The following PLS3 variants were observed in gnomAD, a reference collection of about 807,000 sequenced individuals.
PLS3 encodes plastin 3.
PLS3 carries 11 observed loss-of-function variants against 46.5 expected under a neutral mutation model. That is an observed-to-expected ratio of 0.24 (90% confidence interval 0.15 to 0.39). The LOEUF (loss-of-function observed/expected upper bound fraction) is 0.39, where lower values mean the gene tolerates loss of function less well. Ranked by LOEUF, PLS3 falls within the 10% of genes least tolerant of loss-of-function variation. PLS3 has a pLI of 1.00. For missense variants in PLS3, 308 were observed against 461.8 expected, an observed-to-expected ratio of 0.67 and a Z score of 3.05; for synonymous variants, 167 against 162.2, an observed-to-expected ratio of 1.03 and a Z score of -0.22.
intron 1 of PLS3, among the ~76,000 whole-genome samples, chrX:115,575,122 T>A (rs1556631045): frequency 8.9e-6 from 1 of 111,983 alleles, no homozygotes; most frequent in Non-Finnish European, 1.9e-5. Flanking sequence ...TTGTGACTAG[T>A]TTCTTTCACT....
At chrX:115,649,335 C>A in intron 15 of PLS3, 94 bp from the exon 16 acceptor site, 2 of 720,259 alleles carry the variant, frequency 2.8e-6, no homozygotes, top group Non-Finnish European at 3.9e-6. Flanking sequence ...TTTTTGCATC[C>A]CAGCATAATA....
At position 115,641,225 on chromosome X, in the gene PLS3, C is replaced by CT. The variant is rs35431475; in HGVS notation, c.987+742dup. On this transcript the variant is annotated intron_variant, in intron 9 of 15. Coordinates refer to ENST00000355899, the MANE Select transcript of PLS3 (RefSeq NM_005032.7). ...TGGCTAAACCATTTTTCTTCTCTTT[C>CT]TTTTTTTTTTTTTTTTTTTTGAGAC... Among the ~76,000 whole-genome samples, 747 of 82,294 alleles carry CT rather than the reference C, an allele frequency of 9.1e-3. 1 individual carries two copies. Among genetic ancestry groups the CT allele is most frequent in the Non-Finnish European group, 0.012 (546 of 43,975 alleles). The allele number at this position is 82,294 out of a possible 115,157, so 71.5% of individuals were successfully genotyped here.
At chrX:115,640,857 C>T (rs951129625) in intron 9 of PLS3, among the ~76,000 whole-genome samples, 11 of 111,477 alleles carry the variant, frequency 9.9e-5, no homozygotes, top group Middle Eastern at 4.3e-3. Flanking sequence ...TGGATTATAA[C>T]CACAGTAATA....
chrX:115,566,509 C>T (rs2074173901), intron 1 of PLS3, among the ~76,000 whole-genome samples: 1 of 108,531 alleles, frequency 9.2e-6, no homozygotes, highest in Admixed American at 9.9e-5. Flanking sequence ...CTGCCTCAGC[C>T]TCCCGAGTAG....
At chrX:115,602,947 T>G (rs982448085) in intron 1 of PLS3, among the ~76,000 whole-genome samples, 1 of 111,278 alleles carries the variant, frequency 9.0e-6, no homozygotes, top group Non-Finnish European at 1.9e-5. Flanking sequence ...CTCCTGGACC[T>G]CATGGTACTG....
intron 3 of PLS3, chrX:115,624,233 A>ATT (rs2074688041): frequency 9.3e-6 from 1 of 107,211 alleles, no homozygotes; most frequent in Admixed American, 1.0e-4. Context: ...GTCTCAAAAA[A>ATT]AAAAAAAAAA....
chrX:115,634,225 C>T (rs2074807197), intron 6 of PLS3, 144 bp downstream of exon 6: 3 of 443,644 alleles, frequency 6.8e-6, no homozygotes, highest in Non-Finnish European at 1.2e-5. Flanking sequence ...ATTATACAGA[C>T]AGAACTGGGA....
intron 1 of PLS3, among the ~76,000 whole-genome samples, chrX:115,606,465 T>C (rs142717925): frequency 0.038 from 4,245 of 110,863 alleles, 197 homozygotes; most frequent in African/African-American, 0.13. Context: ...AGAAGTGATA[T>C]GGTAGTGTGA....
intron 1 of PLS3, among the ~76,000 whole-genome samples, chrX:115,585,481 C>T (rs1192588661): frequency 1.8e-5 from 2 of 110,697 alleles, no homozygotes; most frequent in African/African-American, 3.3e-5. Flanking sequence ...AGCTCCGCCT[C>T]CTGGGTTCAA....
intron 1 of PLS3, among the ~76,000 whole-genome samples, chrX:115,583,212 T>C (rs1474915057): frequency 2.7e-5 from 3 of 112,346 alleles, no homozygotes; most frequent in Admixed American, 9.4e-5. Context: ...AGTCTACTTG[T>C]CTGAAAAAGA....
chrX:115,625,886 T>C (rs183848041), intron 3 of PLS3, among the ~76,000 whole-genome samples: 108 of 112,074 alleles, frequency 9.6e-4, no homozygotes, highest in African/African-American at 3.3e-3. Flanking sequence ...AAGGCGAAAC[T>C]TAATAAAAGG....
intron 9 of PLS3, 25 bp from the exon 10 acceptor site, chrX:115,643,288 A>G (rs2074916874): frequency 9.3e-7 from 1 of 1,078,177 alleles, no homozygotes; most frequent in South Asian, 2.0e-5. Flanking sequence ...GCCTTTGACA[A>G]AGTCTTCCGA....
intron 7 of PLS3, among the ~76,000 whole-genome samples, chrX:115,635,347 A>T (rs1569528763): frequency 9.1e-6 from 1 of 110,462 alleles, no homozygotes; most frequent in Non-Finnish European, 1.9e-5. Flanking sequence ...TTCTGCCTAC[A>T]CAACTTCTAC....
chrX:115,595,981 CATG>C (rs782103948), intron 1 of PLS3, among the ~76,000 whole-genome samples: 1 of 111,594 alleles, frequency 9.0e-6, no homozygotes, highest in African/African-American at 3.3e-5. Flanking sequence ...ATGATGTATG[CATG>C]ATGTGTATGA....
In PLS3 at chrX:115,650,467, C is replaced by T. The variant is rs782572066; in HGVS notation, c.*906C>T. Reference sequence around the variant, plus strand: ...GACGGGATTTGGTAGGCCAAGTATGCTAAGTGTACAATATATTTTTTAATT... The same window carrying T: ...GACGGGATTTGGTAGGCCAAGTATGTTAAGTGTACAATATATTTTTTAATT... On this transcript the variant is annotated 3_prime_UTR_variant, in exon 16 of 16. Coordinates refer to ENST00000355899, the MANE Select transcript of PLS3 (RefSeq NM_005032.7). The T allele has an allele frequency of 9.0e-6, 1 of 111,729 alleles. No homozygotes were observed. The highest frequency in any genetic ancestry group is 3.7e-4 in the South Asian group (1 of 2,682). The allele number at this position is 111,729 out of a possible 1,213,427, so 9.2% of individuals were successfully genotyped here. A position where few individuals can be genotyped will look rare whatever the true frequency, so the allele number is the denominator to read the frequency against.
At chrX:115,595,458 G>C (rs1236370157) in intron 1 of PLS3, among the ~76,000 whole-genome samples, 1 of 110,367 alleles carries the variant, frequency 9.1e-6, no homozygotes, top group East Asian at 2.9e-4. Context: ...TCTGAGATTT[G>C]CTTTAAAATA....
rs113628598 is a variant in PLS3, at chrX:115,626,782, T to A, written c.238-2416T>A. 4.5e-5 allele frequency among the ~76,000 whole-genome samples: 5 copies of A among 110,606 alleles called. No individual in the cohort carries two copies. In the East Asian group the frequency reaches 1.4e-3, roughly 31 times the overall value. On this transcript the variant is annotated intron_variant, in intron 3 of 15. Transcript: ENST00000355899. ...ATAAGAAGGAGTTTTACTAAAGCTA[T>A]GTAAATAATTGCATTAGGATATATA...
intron 1 of PLS3, among the ~76,000 whole-genome samples, chrX:115,588,836 C>T (rs1185577264): frequency 2.7e-5 from 3 of 111,442 alleles, no homozygotes; most frequent in Admixed American, 9.6e-5. Context: ...TTATTAGCTA[C>T]GAACTGAACA....
chrX:115,594,631 C>T (rs1405487935), intron 1 of PLS3, among the ~76,000 whole-genome samples: 1 of 102,709 alleles, frequency 9.7e-6, no homozygotes, highest in Non-Finnish European at 1.9e-5. Context: ...GCCTCTCTCT[C>T]TCTCTCTCCC....
Sources: allele counts gnomAD v4.1 joint callset (sites outside exome capture counted in the v4.1 genomes callset), GRCh38; gene constraint gnomAD v4.1.1; transcripts MANE v1.5; gene names NCBI Gene and HGNC (gene_info 2026-07-23, HGNC 2026-07-21).